Variants in SOX5 observed in about 807,000 individuals in gnomAD.
SOX5 encodes the protein transcription factor SOX-5.
A neutral mutation model predicts 92.0 loss-of-function variants in SOX5; 9 were observed. That is an observed-to-expected ratio of 0.10 (90% CI 0.06 to 0.17). SOX5 has a LOEUF of 0.17. Ranked by LOEUF, SOX5 falls within the 10% of genes least tolerant of loss-of-function variation. The pLI is 1.00. For synonymous variants in SOX5, 344 were observed against 336.3 expected (o/e 1.02, Z -0.25); for missense variants, 642 against 944.5 (o/e 0.68, Z 4.20).
intron 4 of SOX5, among the ~76,000 whole-genome samples, chr12:24,173,780 C>T (rs990056208): frequency 2.0e-5 from 3 of 152,102 alleles, no homozygotes; most frequent in East Asian, 3.9e-4. Context: ...TTTTTATGAA[C>T]GTCCACTGTA....
intron 1 of SOX5, 55 bp from the exon 2 acceptor site, chr12:23,896,079 C>T: frequency 1.6e-6 from 2 of 1,253,298 alleles, no homozygotes; most frequent in Admixed American, 1.7e-5. Context: ...ATCCTTAATG[C>T]CGTCATTGTG....
At chr12:23,959,038 GA>G (rs1238854008) in intron 4 of SOX5, among the ~76,000 whole-genome samples, 2 of 151,632 alleles carry the variant, frequency 1.3e-5, no homozygotes, top group Non-Finnish European at 3.0e-5. Flanking sequence ...AATACAATAT[GA>G]AAAGACATAC....
chr12:23,942,332 C>T (rs1342663108), intron 1 of SOX5, among the ~76,000 whole-genome samples: 2 of 151,692 alleles, frequency 1.3e-5, no homozygotes, highest in Non-Finnish European at 2.9e-5. Flanking sequence ...CAACCTATCT[C>T]CCTGGTATTT....
At chr12:23,930,681 A>G (rs2139184615) in intron 1 of SOX5, among the ~76,000 whole-genome samples, 1 of 151,824 alleles carries the variant, frequency 6.6e-6, no homozygotes, top group South Asian at 2.1e-4. Context: ...GGCAGGTACT[A>G]TTATTATCTC....
In SOX5 at chr12:24,393,738, T is replaced by A. The variant is rs935260186; in HGVS notation, c.-250-25099A>T. Reference sequence around the variant, plus strand: ...TTTAAAAAATTATGACACAATACTATCTTCCATTTGGGGATGAAAGAAACT... The same window carrying A: ...TTTAAAAAATTATGACACAATACTAACTTCCATTTGGGGATGAAAGAAACT... On this transcript the variant is annotated intron_variant, in intron 1 of 4. Coordinates refer to the SOX5 transcript ENST00000446891. The surrounding 1 kb of genome is among the most constrained non-coding windows in gnomAD (Gnocchi z 5.0). 1.3e-5 allele frequency among the ~76,000 whole-genome samples: 2 copies of A among 152,228 alleles called. No individual in the cohort carries two copies. The highest frequency in any genetic ancestry group is 4.1e-4 in the South Asian group (2 of 4,834).
At chr12:23,719,721 T>A (rs1256939403) in intron 6 of SOX5, among the ~76,000 whole-genome samples, 1 of 141,048 alleles carries the variant, frequency 7.1e-6, no homozygotes, top group African/African-American at 2.7e-5. Context: ...GAGTTACGAT[T>A]GTGCCACTGC....
At chr12:23,970,842 T>TATATATATATATA (rs1234524602) in intron 4 of SOX5, among the ~76,000 whole-genome samples, 2 of 5,954 alleles carry the variant, frequency 3.4e-4, no homozygotes, top group African/African-American at 4.2e-4. Context: ...ATATATATAA[T>TATATATATATATA]TTTTTTTTTT....
intron 5 of SOX5, among the ~76,000 whole-genome samples, chr12:23,738,674 T>G (rs892751719): frequency 6.6e-6 from 1 of 152,164 alleles, no homozygotes; most frequent in African/African-American, 2.4e-5. Context: ...CCATCAGTCA[T>G]TGCTTAGATC....
intron 3 of SOX5, among the ~76,000 whole-genome samples, chr12:23,775,258 G>A (rs2095061701): frequency 6.6e-6 from 1 of 152,174 alleles, no homozygotes; most frequent in South Asian, 2.1e-4. Flanking sequence ...GCATGGTGCT[G>A]TGGTTTATAT....
intron 11 of SOX5, among the ~76,000 whole-genome samples, 175 bp from the exon 12 acceptor site, chr12:23,546,599 T>C (rs1411174570): frequency 6.6e-6 from 1 of 152,152 alleles, no homozygotes; most frequent in East Asian, 1.9e-4. Flanking sequence ...ATCAGCACGA[T>C]TTTTGAAGGA....
At chr12:24,253,326 G>T (rs1319073911) in intron 3 of SOX5, among the ~76,000 whole-genome samples, 1 of 150,390 alleles carries the variant, frequency 6.6e-6, no homozygotes, top group Non-Finnish European at 1.5e-5. Context: ...ATTTGAAAGG[G>T]ATCTAAGATT....
intron 3 of SOX5, among the ~76,000 whole-genome samples, chr12:24,233,756 C>T (rs1213691178): frequency 3.3e-5 from 5 of 152,172 alleles, no homozygotes; most frequent in African/African-American, 1.2e-4. Context: ...ATGCAGCCAG[C>T]ACAAGGAAGA....
At chr12:24,073,327 AAAAC>A (rs753173355) in intron 4 of SOX5, among the ~76,000 whole-genome samples, 7 of 152,206 alleles carry the variant, frequency 4.6e-5, no homozygotes, top group Non-Finnish European at 8.8e-5. Context: ...CAAAACACAA[AAAAC>A]AAACAAACAT....
At chr12:23,977,618 G>T (rs1392490330) in intron 4 of SOX5, among the ~76,000 whole-genome samples, 1 of 56,166 alleles carries the variant, frequency 1.8e-5, no homozygotes, top group Non-Finnish European at 3.6e-5. Flanking sequence ...AGCCAAGATC[G>T]CACCACTGCA....
At chr12:23,832,939 C>T (rs981444148) in intron 3 of SOX5, among the ~76,000 whole-genome samples, 3 of 151,838 alleles carry the variant, frequency 2.0e-5, no homozygotes, top group African/African-American at 7.3e-5. Flanking sequence ...AGAGACTAAA[C>T]TACATAGATG....
At chr12:23,675,260 T>C (rs1371948050) in intron 6 of SOX5, among the ~76,000 whole-genome samples, 1 of 152,218 alleles carries the variant, frequency 6.6e-6, no homozygotes, top group Non-Finnish European at 1.5e-5. Context: ...ATCTTGCCTA[T>C]GTTGGTTTGC....
At chr12:24,091,670 C>T (rs1008237164) in intron 4 of SOX5, among the ~76,000 whole-genome samples, 2 of 151,716 alleles carry the variant, frequency 1.3e-5, no homozygotes, top group East Asian at 1.9e-4. Flanking sequence ...CAGAGGCAAA[C>T]GGCAGAAATG....
At chr12:23,861,109 C>T (rs543395053) in intron 2 of SOX5, among the ~76,000 whole-genome samples, 18 of 151,968 alleles carry the variant, frequency 1.2e-4, no homozygotes, top group East Asian at 1.9e-4. Flanking sequence ...AAGACTAAAG[C>T]GTGACAAAAA....
chr12:24,217,349 T>C (rs967001374), intron 3 of SOX5, among the ~76,000 whole-genome samples: 3 of 152,206 alleles, frequency 2.0e-5, no homozygotes, highest in African/African-American at 7.2e-5. Flanking sequence ...TCAGATTGAA[T>C]TGAACTACAG....
Sources: allele counts gnomAD v4.1 joint callset (sites outside exome capture counted in the v4.1 genomes callset), GRCh38; gene constraint gnomAD v4.1.1; non-coding constraint Gnocchi (gnomAD v3.1); transcripts MANE v1.5; gene names NCBI Gene and HGNC (gene_info 2026-07-23, HGNC 2026-07-21).